The following SNCAIP variants were observed in gnomAD, a reference collection of about 807,000 sequenced individuals.
SNCAIP encodes synphilin-1.
SNCAIP carries 43 observed loss-of-function variants against 86.7 expected under a neutral mutation model. That is an observed-to-expected ratio of 0.50 (90% CI 0.39 to 0.64). SNCAIP has a LOEUF of 0.64. Among genes scored for constraint, SNCAIP ranks in the 30% least tolerant of loss-of-function variants. The pLI, the probability that SNCAIP is intolerant of heterozygous loss-of-function variation, is 0.00. For synonymous variants in SNCAIP, 417 were observed against 427.2 expected, an observed-to-expected ratio of 0.98 and a Z score of 0.29; for missense variants, 981 against 1,103.1, an observed-to-expected ratio of 0.89 and a Z score of 1.57.
intron 6 of SNCAIP, among the ~76,000 whole-genome samples, chr5:122,438,355 A>G (rs1780005630): frequency 6.6e-6 from 1 of 152,138 alleles, no homozygotes; most frequent in Admixed American, 6.6e-5. Flanking sequence ...TTGTCCCACC[A>G]TGAGTGAATG....
intron 3 of SNCAIP, among the ~76,000 whole-genome samples, chr5:122,404,557 G>A (rs1392333885): frequency 1.3e-5 from 2 of 152,112 alleles, no homozygotes; most frequent in Admixed American, 6.6e-5. Context: ...ATATTGATGG[G>A]AGTGATACCA....
intron 1 of SNCAIP, chr5:122,323,500 A>G (rs1753408447): frequency 6.6e-6 from 1 of 152,228 alleles, no homozygotes; most frequent in South Asian, 2.1e-4. Flanking sequence ...AATGCATTTC[A>G]TGCCGTGGAA....
intron 5 of SNCAIP, among the ~76,000 whole-genome samples, chr5:122,428,492 A>G (rs1054529201): frequency 6.6e-6 from 1 of 152,192 alleles, no homozygotes; most frequent in Non-Finnish European, 1.5e-5. Flanking sequence ...CAATAGCAGA[A>G]AACATTCTTG....
chr5:122,451,937 C>T (rs1034863819), intron 10 of SNCAIP: 5 of 267,226 alleles, frequency 1.9e-5, no homozygotes, highest in Admixed American at 1.5e-4. Flanking sequence ...CACCAATTAG[C>T]GCAAGTTTAG....
chr5:122,334,052 A>C (rs1755919455), intron 1 of SNCAIP, among the ~76,000 whole-genome samples: 2 of 152,222 alleles, frequency 1.3e-5, no homozygotes, highest in Middle Eastern at 6.8e-3. Context: ...CATGAGTCAA[A>C]CAACAACATG....
At chr5:122,450,467 T>G in intron 9 of SNCAIP, 66 bp from the exon 10 acceptor site, 2 of 1,030,678 alleles carry the variant, frequency 1.9e-6, no homozygotes, top group Non-Finnish European at 3.1e-6. Context: ...GTAAAGACCA[T>G]GTAGTGACTT....
At chr5:122,382,221 C>G (rs916999313) in intron 1 of SNCAIP, among the ~76,000 whole-genome samples, 20 of 152,130 alleles carry the variant, frequency 1.3e-4, no homozygotes, top group Non-Finnish European at 2.9e-4. Flanking sequence ...TCCCATATTT[C>G]TTGGAGGCTT....
At chr5:122,341,863 C>T (rs985277387) in intron 1 of SNCAIP, among the ~76,000 whole-genome samples, 2 of 152,114 alleles carry the variant, frequency 1.3e-5, no homozygotes, top group Non-Finnish European at 2.9e-5. Flanking sequence ...TACTCCATCC[C>T]GAATTTAGAT....
chr5:122,450,602 C>T lies in SNCAIP; in HGVS notation c.1755C>T (p.Ala585=). Residue 585 remains alanine, a synonymous_variant, in exon 10 of 11, where the codon GCC becomes GCT. Coordinates refer to ENST00000261368, the MANE Select transcript of SNCAIP (RefSeq NM_005460.4). ...KSPDADDDSV[A]KSKPGVQEGI... Reference sequence around the variant, plus strand: ...CAGATGCAGATGATGATTCTGTAGCCAAAAGCAAGCCAGGAGTCCAAGAGG... The same window carrying T: ...CAGATGCAGATGATGATTCTGTAGCTAAAAGCAAGCCAGGAGTCCAAGAGG... 6.2e-7 allele frequency: 1 copy of T among 1,614,040 alleles called. No individual in the cohort carries two copies. The highest frequency in any genetic ancestry group is 8.5e-7 in the Non-Finnish European group (1 of 1,179,976).
intron 7 of SNCAIP, 99 bp downstream of exon 7, chr5:122,440,853 AC>A (rs1227060805): frequency 1.7e-6 from 2 of 1,145,700 alleles, no homozygotes; most frequent in Admixed American, 3.6e-5. Context: ...GAATTAATTC[AC>A]CTTTTGTATG....
chr5:122,426,102 C>G (rs1777322832), intron 5 of SNCAIP, among the ~76,000 whole-genome samples: 2 of 152,196 alleles, frequency 1.3e-5, no homozygotes, highest in Admixed American at 6.5e-5. Context: ...AACTGTGAGA[C>G]AAGAAACATG....
At chr5:122,432,974 G>A (rs1368156377) in intron 6 of SNCAIP, among the ~76,000 whole-genome samples, 2 of 151,954 alleles carry the variant, frequency 1.3e-5, no homozygotes, top group African/African-American at 2.4e-5. Context: ...GTAAACTGTG[G>A]CGTTGTCAAC....
At chr5:122,422,630 G>A (rs1301720327) in intron 3 of SNCAIP, among the ~76,000 whole-genome samples, 1 of 152,096 alleles carries the variant, frequency 6.6e-6, no homozygotes, top group Non-Finnish European at 1.5e-5. Context: ...CCATTTACCT[G>A]TACCATTATT....
At chr5:122,334,144 T>C (rs1488656206) in intron 1 of SNCAIP, among the ~76,000 whole-genome samples, 1 of 152,148 alleles carries the variant, frequency 6.6e-6, no homozygotes, top group Non-Finnish European at 1.5e-5. Flanking sequence ...AATGGCAAAC[T>C]AATAAAAACT....
At position 122,313,811 on chromosome 5, in the gene SNCAIP, A is replaced by G. The variant is rs1387149264; in HGVS notation, c.-47+1527A>G. 2.0e-5 allele frequency among the ~76,000 whole-genome samples: 3 copies of G among 152,326 alleles called. No homozygotes were observed. The East Asian group carries it at 5.8e-4, about 29-fold the overall frequency. ...TCTGGAAAGGGAGTATTAACTGAGG[A>G]TTACCCATAACTAAATATGTATGCA... On this transcript the variant is annotated intron_variant, in intron 1 of 10. Coordinates refer to ENST00000261368, the MANE Select transcript of SNCAIP (RefSeq NM_005460.4).
intron 1 of SNCAIP, chr5:122,383,372 T>G (rs1767376539): frequency 6.5e-6 from 1 of 153,082 alleles, no homozygotes. Flanking sequence ...GCTTCCCAAG[T>G]GAGGCAATGC....
intron 1 of SNCAIP, among the ~76,000 whole-genome samples, chr5:122,317,448 G>C (rs1751992081): frequency 6.6e-6 from 1 of 152,148 alleles, no homozygotes; most frequent in African/African-American, 2.4e-5. Context: ...ACTTTAATTA[G>C]ACCACTTTGA....
chr5:122,331,334 C>G (rs1561524045), intron 1 of SNCAIP, among the ~76,000 whole-genome samples: 1 of 152,170 alleles, frequency 6.6e-6, no homozygotes, highest in East Asian at 1.9e-4. Context: ...TTTTACTATT[C>G]ACTATTTTAG....
intron 1 of SNCAIP, among the ~76,000 whole-genome samples, chr5:122,359,657 A>C (rs1261551420): frequency 6.6e-6 from 1 of 152,038 alleles, no homozygotes; most frequent in Non-Finnish European, 1.5e-5. Context: ...GAGCCACCAC[A>C]CCTGGCCACA....
Sources: allele counts gnomAD v4.1 joint callset (sites outside exome capture counted in the v4.1 genomes callset), GRCh38; gene constraint gnomAD v4.1.1; transcripts MANE v1.5; gene names NCBI Gene and HGNC (gene_info 2026-07-23, HGNC 2026-07-21).